The following SCD5 variants were observed in gnomAD, a reference collection of about 807,000 sequenced individuals.
The protein encoded by SCD5 is acyl-CoA-desaturase 4.
A neutral mutation model predicts 30.4 loss-of-function variants in SCD5; 20 were observed. The ratio of observed to expected loss-of-function variants is 0.66; its 90% confidence interval spans 0.46 to 0.96. The LOEUF is 0.96. Among genes scored for constraint, SCD5 ranks in the 40% least tolerant of loss-of-function variants. SCD5 has a pLI of 0.00. For missense variants in SCD5, 381 were observed against 443.3 expected (o/e 0.86, Z 1.26); for synonymous variants, 173 against 176.4 (o/e 0.98, Z 0.16).
chr4:82,717,791 C>T (rs1228959326), intron 1 of SCD5, among the ~76,000 whole-genome samples: 1 of 151,618 alleles, frequency 6.6e-6, no homozygotes, highest in Non-Finnish European at 1.5e-5. Flanking sequence ...TGGTACATGC[C>T]TGTAATCCCA....
chr4:82,754,829 A>G (rs1472050329), intron 1 of SCD5, among the ~76,000 whole-genome samples: 7 of 152,114 alleles, frequency 4.6e-5, no homozygotes, highest in African/African-American at 1.7e-4. Context: ...AGGCTGACCT[A>G]TATTTCACTT....
At chr4:82,689,329 G>A (rs1301236080) in intron 2 of SCD5, among the ~76,000 whole-genome samples, 1 of 152,130 alleles carries the variant, frequency 6.6e-6, no homozygotes, top group African/African-American at 2.4e-5. Flanking sequence ...GGAGGCTGAG[G>A]ATTTCAAGAC....
At chr4:82,720,306 G>A (rs1720339086) in intron 1 of SCD5, among the ~76,000 whole-genome samples, 1 of 151,668 alleles carries the variant, frequency 6.6e-6, no homozygotes, top group Non-Finnish European at 1.5e-5. Flanking sequence ...GGTGATGTAC[G>A]CCTGTAGTCC....
chr4:82,682,839 G>A (rs7681045), intron 2 of SCD5, among the ~76,000 whole-genome samples: 18,133 of 151,924 alleles, frequency 0.12, 1,439 homozygotes, highest in South Asian at 0.25. Flanking sequence ...TTTTTGAGAC[G>A]GACTCTTGCT....
intron 1 of SCD5, among the ~76,000 whole-genome samples, chr4:82,777,477 G>T (rs1309708761): frequency 6.6e-6 from 1 of 152,220 alleles, no homozygotes; most frequent in East Asian, 1.9e-4. Flanking sequence ...TGACATCAGA[G>T]AGTGCTGAGG....
rs936074162 is a variant in SCD5 at position 82,636,840 on chromosome 4, C to T, written c.570-17G>A. ...TTATAGTACCTACAGGGCAAGACAC[C>T]ATATCACCATGAGGACCCGCTGATG... On this transcript the variant is annotated splice_polypyrimidine_tract_variant and intron_variant, in intron 3 of 4. Coordinates refer to ENST00000319540, the MANE Select transcript of SCD5 (RefSeq NM_001037582.3). The T allele has an allele frequency of 1.9e-6, 3 of 1,587,932 alleles. No individual in the cohort carries two copies. The highest frequency in any genetic ancestry group is 2.6e-6 in the Non-Finnish European group (3 of 1,165,386).
chr4:82,733,875 T>C (rs914887616), intron 1 of SCD5, among the ~76,000 whole-genome samples: 2 of 152,132 alleles, frequency 1.3e-5, no homozygotes, highest in African/African-American at 2.4e-5. Flanking sequence ...CAGAAATCTA[T>C]GTCAAAGTAC....
In SCD5 at chr4:82,754,544, A is replaced by AC. The variant is rs546709137; in HGVS notation, c.232+43761dup. On this transcript the variant is annotated intron_variant, in intron 1 of 4. Coordinates refer to ENST00000319540, the MANE Select transcript of SCD5 (RefSeq NM_001037582.3). ...CCCACCCTCCCCTCACCAGCAGCCC[A>AC]CCCTCCTAACCCGACAGGGAGGAAA... is the stretch of plus-strand genomic sequence containing the variant. 3.8e-3 allele frequency among the ~76,000 whole-genome samples: 398 copies of AC among 105,298 alleles called. 3 individuals are homozygous for AC. Among genetic ancestry groups the AC allele is most frequent in the Non-Finnish European group, 4.7e-3 (240 of 50,854 alleles). 69.1% of individuals were successfully genotyped at this position (105,298 alleles called of 152,430 possible).
At chr4:82,753,529 C>A in intron 1 of SCD5, 1 of 437,960 alleles carries the variant, frequency 2.3e-6, no homozygotes, top group South Asian at 1.6e-5. Flanking sequence ...TCTTTGTGGG[C>A]TGAGTCACCT....
chr4:82,661,050 T>C, intron 3 of SCD5: 1 of 1,613,804 alleles, frequency 6.2e-7, no homozygotes, highest in Non-Finnish European at 8.5e-7. Flanking sequence ...GATTGAGAGC[T>C]CTTCCTTCTT....
At chr4:82,725,316 G>A (rs1234194236) in intron 1 of SCD5, among the ~76,000 whole-genome samples, 1 of 152,148 alleles carries the variant, frequency 6.6e-6, no homozygotes. Context: ...TGTGAATTCA[G>A]TTCAAGCCCA....
chr4:82,636,537 C>T (rs1577999230), intron 4 of SCD5, 54 bp downstream of exon 4: 1 of 1,415,982 alleles, frequency 7.1e-7, no homozygotes, highest in African/African-American at 1.4e-5. Context: ...TACTGAGAGG[C>T]CAAGAAAACC....
intron 3 of SCD5, chr4:82,661,114 C>T (rs1727995697): frequency 3.1e-6 from 5 of 1,596,794 alleles, no homozygotes; most frequent in Non-Finnish European, 4.3e-6. Flanking sequence ...AGAGTTCCAC[C>T]CAGGTTTGTT....
At chr4:82,763,458 C>T (rs992934040) in intron 1 of SCD5, among the ~76,000 whole-genome samples, 13 of 152,272 alleles carry the variant, frequency 8.5e-5, no homozygotes, top group Middle Eastern at 3.4e-3. Context: ...TTGCAGTGAG[C>T]GGAGATCGTG....
chr4:82,672,022 AAAC>A (rs1728337336), intron 3 of SCD5, among the ~76,000 whole-genome samples: 7 of 152,230 alleles, frequency 4.6e-5, no homozygotes, highest in African/African-American at 1.4e-4. Context: ...AATAAGAACA[AAAC>A]TTATCAAAAT....
At chr4:82,767,318 T>C (rs998716020) in intron 1 of SCD5, among the ~76,000 whole-genome samples, 1 of 152,064 alleles carries the variant, frequency 6.6e-6, no homozygotes, top group Admixed American at 6.6e-5. Context: ...GCAGCTCTCT[T>C]CTCTCTGGAA....
chr4:82,689,767 A>G (rs1176589239), intron 2 of SCD5, among the ~76,000 whole-genome samples: 1 of 152,226 alleles, frequency 6.6e-6, no homozygotes, highest in Non-Finnish European at 1.5e-5. Context: ...TTTACAGTGG[A>G]GAAACTTAGC....
At chr4:82,776,214 TTG>T (rs1482579969) in intron 1 of SCD5, 1 of 152,152 alleles carries the variant, frequency 6.6e-6, no homozygotes, top group Non-Finnish European at 1.5e-5. Flanking sequence ...GGTGGGGAGT[TTG>T]TGTGTCTGTT....
chr4:82,712,299 T>TACG (rs1560540883), intron 1 of SCD5, among the ~76,000 whole-genome samples: 2 of 32,036 alleles, frequency 6.2e-5, no homozygotes, highest in African/African-American at 1.1e-4. Context: ...TATATATATT[T>TACG]TATTTTTATT....
Sources: gnomAD v4.1 joint callset for allele counts (sites outside exome capture counted in the v4.1 genomes callset) on GRCh38, gnomAD v4.1.1 for gene constraint, MANE v1.5 for transcripts, NCBI Gene and HGNC (gene_info 2026-07-23, HGNC 2026-07-21) for gene names.